The following CEP85L variants were observed in gnomAD, a reference collection of about 807,000 sequenced individuals.
CEP85L encodes the protein centrosomal protein of 85 kDa-like.
A neutral mutation model predicts 100.3 loss-of-function variants in CEP85L; 60 were observed. The ratio of observed to expected loss-of-function variants is 0.60; its 90% CI spans 0.49 to 0.74. The LOEUF (loss-of-function observed/expected upper bound fraction) is 0.74, where lower values mean the gene tolerates loss of function less well. Among genes scored for constraint, CEP85L ranks in the 30% least tolerant of loss-of-function variants. The probability of loss-of-function intolerance (pLI) is 0.00; values close to 1 mark genes in which losing one functional copy is unlikely to be tolerated. For synonymous variants in CEP85L, 319 were observed against 322.7 expected, an observed-to-expected ratio of 0.99 and a Z score of 0.12; for missense variants, 973 against 936.2, an observed-to-expected ratio of 1.04 and a Z score of -0.51.
chr6:118,587,215 T>A (rs1780913460), intron 2 of CEP85L, among the ~76,000 whole-genome samples: 1 of 152,218 alleles, frequency 6.6e-6, no homozygotes, highest in Non-Finnish European at 1.5e-5. Context: ...TAAAGACTTA[T>A]CAGGCATAAA....
chr6:118,495,467 C>T (rs961513477), intron 5 of CEP85L, among the ~76,000 whole-genome samples: 1 of 152,118 alleles, frequency 6.6e-6, no homozygotes, highest in African/African-American at 2.4e-5. Context: ...TTACAAAGGG[C>T]TTTTCCCTCT....
At chr6:118,522,841 T>C (rs1263937951) in intron 4 of CEP85L, among the ~76,000 whole-genome samples, 1 of 150,270 alleles carries the variant, frequency 6.7e-6, no homozygotes, top group Admixed American at 6.6e-5. Flanking sequence ...ATGGCACCAC[T>C]GCACTCCAGC....
At chr6:118,633,218 T>TC (rs910777781) in intron 1 of CEP85L, among the ~76,000 whole-genome samples, 5 of 151,872 alleles carry the variant, frequency 3.3e-5, no homozygotes, top group African/African-American at 1.2e-4. Flanking sequence ...CTTTTTTTTT[T>TC]TTTGAGACGA....
At chr6:118,504,186 C>T (rs1775496123) in intron 5 of CEP85L, among the ~76,000 whole-genome samples, 1 of 152,074 alleles carries the variant, frequency 6.6e-6, no homozygotes, top group Non-Finnish European at 1.5e-5. Context: ...TTGGCCTGGC[C>T]AACCTAATGA....
intron 1 of CEP85L, among the ~76,000 whole-genome samples, chr6:118,636,301 C>T (rs956232610): frequency 6.6e-6 from 1 of 152,150 alleles, no homozygotes; most frequent in Non-Finnish European, 1.5e-5. Flanking sequence ...GTGAGCTCAT[C>T]CTAGAGTACA....
At chr6:118,469,926 AT>A (rs1772817612) in intron 11 of CEP85L, among the ~76,000 whole-genome samples, 1 of 152,078 alleles carries the variant, frequency 6.6e-6, no homozygotes, top group South Asian at 2.1e-4. Flanking sequence ...CTATAATGAG[AT>A]TTATTCCAAG....
At position 118,609,099 on chromosome 6, in the gene CEP85L, T is replaced by A. The variant is rs140446178; in HGVS notation, c.232+23354A>T. Among the ~76,000 whole-genome samples the A allele has an allele frequency of 3.8e-4, 58 of 152,290 alleles. 1 individual carries two copies. The East Asian group carries it at 9.6e-3, about 25-fold the overall frequency. On this transcript the variant is annotated intron_variant, in intron 2 of 12. Coordinates refer to ENST00000368491, the MANE Select transcript of CEP85L (RefSeq NM_001042475.3). ...AAAGAAATCCAATATATAGATGTTTTTAGGAAAAGAAAGCAAATCATAAAA... is the reference window on the plus strand; with the variant it reads ...AAAGAAATCCAATATATAGATGTTTATAGGAAAAGAAAGCAAATCATAAAA...
chr6:118,514,426 G>C (rs1776144265), intron 4 of CEP85L, among the ~76,000 whole-genome samples: 1 of 151,448 alleles, frequency 6.6e-6, no homozygotes, highest in Non-Finnish European at 1.5e-5. Context: ...CTGGGAGGCT[G>C]AGGCAGGAGA....
intron 3 of CEP85L, among the ~76,000 whole-genome samples, chr6:118,545,461 G>T (rs752913225): frequency 6.6e-6 from 1 of 152,126 alleles, no homozygotes. Context: ...GGTGGCACAC[G>T]CCTGTAGTCT....
chr6:118,554,876 T>C (rs1438439278), intron 3 of CEP85L, among the ~76,000 whole-genome samples: 8 of 152,178 alleles, frequency 5.3e-5, no homozygotes, highest in African/African-American at 1.9e-4. Context: ...ATGGAGTATT[T>C]ATGGAAAGGT....
chr6:118,483,440 G>A (rs982823288), intron 7 of CEP85L, among the ~76,000 whole-genome samples: 1 of 152,086 alleles, frequency 6.6e-6, no homozygotes, highest in South Asian at 2.1e-4. Flanking sequence ...GCATGTGTAT[G>A]GGGTAGAGGT....
intron 10 of CEP85L, among the ~76,000 whole-genome samples, chr6:118,476,681 G>A (rs77613733): frequency 6.6e-6 from 1 of 152,136 alleles, no homozygotes; most frequent in African/African-American, 2.4e-5. Context: ...GGAACATCTC[G>A]ATGTGTTATA....
At chr6:118,490,642 A>G (rs1196724966) in intron 6 of CEP85L, among the ~76,000 whole-genome samples, 1 of 152,218 alleles carries the variant, frequency 6.6e-6, no homozygotes, top group Non-Finnish European at 1.5e-5. Context: ...AATCTTGTAC[A>G]AGAACGTTCA....
intron 2 of CEP85L, among the ~76,000 whole-genome samples, chr6:118,621,814 G>T (rs140781308): frequency 4.1e-4 from 62 of 152,216 alleles, no homozygotes; most frequent in African/African-American, 1.4e-3. Flanking sequence ...TGGAATCGCC[G>T]GCTTTTGCCA....
intron 1 of CEP85L, among the ~76,000 whole-genome samples, chr6:118,659,690 T>A (rs760379799): frequency 9.2e-5 from 14 of 152,234 alleles, no homozygotes; most frequent in Non-Finnish European, 1.6e-4. Context: ...ACCACAGTTG[T>A]CTGGATGCTG....
chr6:118,652,449 T>C, upstream of CEP85L: 1 of 1,228,732 alleles, frequency 8.1e-7, no homozygotes, highest in East Asian at 4.3e-5. Context: ...AGTTACGAAC[T>C]AGTTCGTATA....
chr6:118,577,409 C>T (rs1418511164), intron 2 of CEP85L, among the ~76,000 whole-genome samples: 5 of 152,196 alleles, frequency 3.3e-5, no homozygotes, highest in African/African-American at 1.2e-4. Context: ...GTACCCCCCA[C>T]GGGTCCTTTG....
Position 118,464,150 on chromosome 6 carries a change from C to T in CEP85L, c.*1255G>A, listed in dbSNP as rs1038017009. 2 of 152,146 alleles carry T rather than the reference C, an allele frequency of 1.3e-5. No individual in the cohort carries two copies. The highest frequency in any genetic ancestry group is 4.8e-5 in the African/African-American group (2 of 41,462). 9.4% of individuals were successfully genotyped at this position (152,146 alleles called of 1,614,324 possible). A position where few individuals can be genotyped will look rare whatever the true frequency, so the allele number is the denominator to read the frequency against. On this transcript the variant is annotated 3_prime_UTR_variant, in exon 13 of 13. Transcript: ENST00000368491. ...CCAAAACTAAGTATATTCAAAAGAA[C>T]ATAATCAATGCTGAAGGCAATAAAA...
At chr6:118,563,420 A>G (rs1255078229) in intron 3 of CEP85L, among the ~76,000 whole-genome samples, 1 of 152,236 alleles carries the variant, frequency 6.6e-6, no homozygotes, top group African/African-American at 2.4e-5. Context: ...ATTCTATAAC[A>G]TATAAATCTA....
Sources: gnomAD v4.1 joint callset for allele counts (sites outside exome capture counted in the v4.1 genomes callset) on GRCh38, gnomAD v4.1.1 for gene constraint, MANE v1.5 for transcripts, NCBI Gene and HGNC (gene_info 2026-07-23, HGNC 2026-07-21) for gene names.